The following TPP2 variants were observed in gnomAD, a reference collection of about 807,000 sequenced individuals.
The protein encoded by TPP2 is tripeptidyl peptidase 2.
TPP2 carries 34 observed loss-of-function variants against 155.9 expected under a neutral mutation model. That is an observed-to-expected ratio of 0.22 (90% CI 0.17 to 0.29). The LOEUF is 0.29. TPP2 is among the 10% of genes least tolerant of loss of function. The pLI is 1.00. For missense variants in TPP2, 1,028 were observed against 1,522.3 expected, an observed-to-expected ratio of 0.68 and a Z score of 5.40; for synonymous variants, 510 against 529.4, an observed-to-expected ratio of 0.96 and a Z score of 0.50.
At chr13:102,652,695 A>G (rs532978772) in intron 24 of TPP2, among the ~76,000 whole-genome samples, 2 of 152,180 alleles carry the variant, frequency 1.3e-5, no homozygotes, top group African/African-American at 4.8e-5. Context: ...TTGTCCAAAC[A>G]AAATACAGAT....
At chr13:102,651,918 A>G (rs917914687) in intron 24 of TPP2, among the ~76,000 whole-genome samples, 1 of 152,222 alleles carries the variant, frequency 6.6e-6, no homozygotes, top group Non-Finnish European at 1.5e-5. Flanking sequence ...TGTAGCAGGA[A>G]CAGAAATAAG....
intron 2 of TPP2, among the ~76,000 whole-genome samples, chr13:102,611,177 G>T (rs540272279): frequency 6.6e-6 from 1 of 152,270 alleles, no homozygotes; most frequent in South Asian, 2.1e-4. Context: ...GCCATGGTTT[G>T]TACCTACTAC....
At chr13:102,618,558 CATTGA>C (rs1834964066) in intron 4 of TPP2, among the ~76,000 whole-genome samples, 159 bp from the exon 5 acceptor site, 1 of 152,126 alleles carries the variant, frequency 6.6e-6, no homozygotes, top group African/African-American at 2.4e-5. Context: ...GTATCTGCTT[CATTGA>C]ATTGAATGAC....
intron 21 of TPP2, 146 bp from the exon 22 acceptor site, chr13:102,648,761 G>T: frequency 9.2e-7 from 1 of 1,089,412 alleles, no homozygotes. Flanking sequence ...TGTGTTATAT[G>T]AACGTCTGGA....
chr13:102,619,805 T>C (rs1881022124), intron 5 of TPP2, among the ~76,000 whole-genome samples: 1 of 152,222 alleles, frequency 6.6e-6, no homozygotes, highest in African/African-American at 2.4e-5. Flanking sequence ...ACATGTTGTT[T>C]TGTTGTGTGC....
In TPP2 at chr13:102,678,567, C is replaced by T; in HGVS notation, c.*251C>T. 1 of 352,604 alleles carries T rather than the reference C, an allele frequency of 2.8e-6. No homozygotes were observed. 21.8% of individuals were successfully genotyped at this position (352,604 alleles called of 1,614,324 possible). ...CGGGGATGTGCCCTGCCTGCCAGCA[C>T]CTAGGACTTCGAGTTGGGTTGCAGC... On this transcript the variant is annotated 3_prime_UTR_variant, in exon 30 of 30. Transcript: ENST00000376052.
chr13:102,657,257 C>T (rs1883919783), intron 25 of TPP2, 50 bp downstream of exon 25: 1 of 1,464,156 alleles, frequency 6.8e-7, no homozygotes, highest in African/African-American at 1.4e-5. Flanking sequence ...TTCTATTTTC[C>T]CAACTATAAC....
intron 2 of TPP2, among the ~76,000 whole-genome samples, chr13:102,609,196 A>G (rs1011178740): frequency 1.3e-5 from 2 of 152,044 alleles, no homozygotes; most frequent in South Asian, 2.1e-4. Context: ...TCACATTGCT[A>G]TGAAGAACTA....
intron 9 of TPP2, 83 bp downstream of exon 9, chr13:102,629,692 T>G: frequency 1.4e-6 from 2 of 1,475,420 alleles, no homozygotes; most frequent in Non-Finnish European, 1.8e-6. Flanking sequence ...CCTGTATCTC[T>G]GCTACACGTA....
chr13:102,673,494 G>A (rs899636289), intron 27 of TPP2, among the ~76,000 whole-genome samples: 1 of 152,142 alleles, frequency 6.6e-6, no homozygotes, highest in African/African-American at 2.4e-5. Context: ...TGGAGTGTAG[G>A]TGGTGGTTGT....
intron 2 of TPP2, chr13:102,607,781 G>A: frequency 3.1e-6 from 1 of 320,476 alleles, no homozygotes; most frequent in South Asian, 2.2e-5. Flanking sequence ...AGTAGAGATG[G>A]AATTTTGCCA....
Position 102,647,313 on chromosome 13 carries a change from A to C in TPP2, c.2597A>C (p.Gln866Pro). The C allele has an allele frequency of 6.2e-7, 1 of 1,613,932 alleles. No individual in the cohort carries two copies. Among genetic ancestry groups the C allele is most frequent in the Middle Eastern group, 1.7e-4 (1 of 6,058 alleles). ...ATTATTTTTGACCAGAACAAAAGAC[A>C]GATGGGTTCAGGCGATGCCTATCCA... ...LWIIFDQNKR[Q>P]MGSGDAYPHQ... is the part of the protein sequence containing the mutation. The change falls in exon 21 of 30, where the codon CAG becomes CCG. Residue 866 changes from glutamine to proline, a missense_variant. Transcript: ENST00000376052.
intron 24 of TPP2, among the ~76,000 whole-genome samples, chr13:102,654,309 T>G (rs1182231839): frequency 1.3e-5 from 2 of 152,188 alleles, no homozygotes; most frequent in Non-Finnish European, 2.9e-5. Flanking sequence ...TTATAATTGT[T>G]AATTTGATAT....
At chr13:102,648,496 A>G (rs1420705162) in intron 21 of TPP2, among the ~76,000 whole-genome samples, 1 of 147,178 alleles carries the variant, frequency 6.8e-6, no homozygotes, top group African/African-American at 2.5e-5. Flanking sequence ...ATGGTGCCTC[A>G]ATTTTGCTCA....
chr13:102,629,099 T>A (rs4360805), intron 8 of TPP2, among the ~76,000 whole-genome samples: 97,821 of 152,058 alleles, frequency 0.64, 32,842 homozygotes, highest in African/African-American at 0.85. Context: ...TCCACAAAAG[T>A]TACTGGTTCT....
intron 27 of TPP2, among the ~76,000 whole-genome samples, chr13:102,671,566 G>A (rs958013799): frequency 1.3e-5 from 2 of 152,150 alleles, no homozygotes; most frequent in African/African-American, 4.8e-5. Flanking sequence ...TTTCTTTAAT[G>A]CTTTTCCTTA....
At chr13:102,606,963 G>C (rs948490393) in intron 2 of TPP2, among the ~76,000 whole-genome samples, 8 of 152,282 alleles carry the variant, frequency 5.3e-5, no homozygotes, top group Admixed American at 5.2e-4. Context: ...GTTAGATGAG[G>C]TTATGAGTAT....
intron 23 of TPP2, 34 bp downstream of exon 23, chr13:102,649,520 T>G: frequency 1.3e-6 from 2 of 1,544,536 alleles, no homozygotes; most frequent in Non-Finnish European, 1.8e-6. Flanking sequence ...TGAAATTACC[T>G]ATTAAAAAAT....
chr13:102,629,566 G>T lies in TPP2; in HGVS notation c.1101G>T (p.Leu367=). 1 of 1,555,672 alleles carries T rather than the reference G, an allele frequency of 6.4e-7. No homozygotes were observed. Among genetic ancestry groups the T allele is most frequent in the African/African-American group, 1.4e-5 (1 of 71,010 alleles). ...VSSAGNNGPC[L]STVGCPGGTT... is the part of the protein sequence containing the mutation. Reference sequence around the variant, plus strand: ...GTGCTGGAAATAATGGTCCATGCCTGTCTACAGTTGGTTGTCCAGGTGGAA... The same window carrying T: ...GTGCTGGAAATAATGGTCCATGCCTTTCTACAGTTGGTTGTCCAGGTGGAA... Residue 367 remains leucine (L), a synonymous_variant, in exon 9 of 30, where the codon CTG becomes CTT. Coordinates refer to ENST00000376052, the MANE Select transcript of TPP2 (RefSeq NM_001330588.2).
Sources: allele counts gnomAD v4.1 joint callset (sites outside exome capture counted in the v4.1 genomes callset), GRCh38; gene constraint gnomAD v4.1.1; transcripts MANE v1.5; gene names NCBI Gene and HGNC (gene_info 2026-07-23, HGNC 2026-07-21).